The following GARIN2 variants were observed in gnomAD, a reference collection of about 807,000 sequenced individuals.
GARIN2 encodes the protein Golgi-associated RAB2 interactor protein 2.
chr14:67,218,959 G>A, the GARIN2 span, among the ~76,000 whole-genome samples: 52 of 152,088 alleles, frequency 3.4e-4, no homozygotes, highest in Admixed American at 3.3e-4. Flanking sequence ...TGGTGTTGTC[G>A]TGTTCAGCCA....
chr14:67,198,944 A>AT, the GARIN2 span: 6 of 701,296 alleles, frequency 8.6e-6, no homozygotes, highest in Admixed American at 6.0e-5. Context: ...ACACTGAGCT[A>AT]TTACCTCTAA....
the GARIN2 span, chr14:67,221,666 TACTAC>T: frequency 6.6e-7 from 1 of 1,504,672 alleles, no homozygotes; most frequent in South Asian, 1.3e-5. Flanking sequence ...CGTGTTTCAT[TACTAC>T]CCACAGAGCA....
At chr14:67,193,060 A>G in the GARIN2 span, among the ~76,000 whole-genome samples, 1 of 144,776 alleles carries the variant, frequency 6.9e-6, no homozygotes, top group African/African-American at 2.5e-5. Context: ...ATATATCTCT[A>G]TATCTATATA....
the GARIN2 span, among the ~76,000 whole-genome samples, chr14:67,216,071 C>T: frequency 6.6e-6 from 1 of 152,198 alleles, no homozygotes; most frequent in Non-Finnish European, 1.5e-5. Context: ...ACGCCTCCCA[C>T]CGTGTCCTCC....
the GARIN2 span, among the ~76,000 whole-genome samples, chr14:67,225,960 TGTGCGC>T: frequency 8.3e-6 from 1 of 119,804 alleles, no homozygotes; most frequent in East Asian, 2.2e-4. Context: ...TGTGTGTGTG[TGTGCGC>T]GCGCGCGCGT....
At chr14:67,193,237 GACATCTATCTA>G in the GARIN2 span, among the ~76,000 whole-genome samples, 1 of 122,702 alleles carries the variant, frequency 8.1e-6, no homozygotes, top group Non-Finnish European at 1.7e-5. Context: ...TCTCTATATA[GACATCTATCTA>G]TATATCTCTA....
At chr14:67,201,401 A>G in the GARIN2 span, 12 of 455,822 alleles carry the variant, frequency 2.6e-5, no homozygotes, top group East Asian at 6.3e-4. Flanking sequence ...GAAGACCCCA[A>G]TTCTCTCTTT....
At chr14:67,199,076 G>A in the GARIN2 span, 48 of 930,180 alleles carry the variant, frequency 5.2e-5, no homozygotes, top group Non-Finnish European at 7.9e-5. Context: ...CTACCAGGCC[G>A]ATCTCCGAGC....
At chr14:67,214,663 C>G in the GARIN2 span, among the ~76,000 whole-genome samples, 3 of 151,842 alleles carry the variant, frequency 2.0e-5, no homozygotes, top group East Asian at 5.8e-4. Context: ...TTTTTTGGTT[C>G]CATATGAACT....
the GARIN2 span, chr14:67,223,617 AG>A: frequency 1.7e-6 from 1 of 591,894 alleles, no homozygotes; most frequent in Middle Eastern, 8.5e-4. Context: ...TTAAATCACA[AG>A]GGTGGCACAA....
the GARIN2 span, chr14:67,225,285 T>C: frequency 1.4e-6 from 2 of 1,454,038 alleles, no homozygotes; most frequent in Non-Finnish European, 1.8e-6. Flanking sequence ...TAATTATAAG[T>C]CTCTATAGGA....
At chr14:67,193,170 A>ATCTG in the GARIN2 span, among the ~76,000 whole-genome samples, 1 of 141,740 alleles carries the variant, frequency 7.1e-6, no homozygotes, top group Non-Finnish European at 1.5e-5. Flanking sequence ...ATAGACATCT[A>ATCTG]TATATCTCTA....
At chr14:67,203,253 C>T in the GARIN2 span, 1 of 1,605,062 alleles carries the variant, frequency 6.2e-7, no homozygotes, top group South Asian at 1.1e-5. Flanking sequence ...GTTTAAAAGT[C>T]TCCTGACATC....
chr14:67,198,322 T>C, the GARIN2 span: 1 of 1,610,492 alleles, frequency 6.2e-7, no homozygotes, highest in East Asian at 2.2e-5. Context: ...TTTATCCAGG[T>C]AAATCATATT....
the GARIN2 span, among the ~76,000 whole-genome samples, chr14:67,209,854 A>C: frequency 1.6e-3 from 238 of 151,900 alleles, no homozygotes; most frequent in African/African-American, 5.4e-3. Flanking sequence ...GAAAAAGTAT[A>C]ATAGATTACC....
chr14:67,192,738 A>T, the GARIN2 span, among the ~76,000 whole-genome samples: 2 of 150,154 alleles, frequency 1.3e-5, no homozygotes, highest in South Asian at 4.2e-4. Context: ...TGTTATGGGG[A>T]TATATTAATA....
the GARIN2 span, among the ~76,000 whole-genome samples, chr14:67,225,482 C>CT: frequency 6.6e-6 from 1 of 152,210 alleles, no homozygotes; most frequent in Non-Finnish European, 1.5e-5. Flanking sequence ...GGAGAGAGGG[C>CT]TTCAGGTGAG....
the GARIN2 span, among the ~76,000 whole-genome samples, chr14:67,202,156 A>T: frequency 1.2e-4 from 19 of 152,312 alleles, no homozygotes; most frequent in East Asian, 3.7e-3. Flanking sequence ...AAATTAAATT[A>T]TAGGCCAGGC....
the GARIN2 span, among the ~76,000 whole-genome samples, chr14:67,211,296 T>C: frequency 2.3e-4 from 35 of 152,192 alleles, no homozygotes; most frequent in African/African-American, 7.9e-4. Flanking sequence ...GAAGATAGGT[T>C]CAAGCAAACT....
Sources: allele counts gnomAD v4.1 joint callset (sites outside exome capture counted in the v4.1 genomes callset), GRCh38; gene constraint gnomAD v4.1.1; transcripts MANE v1.5; gene names NCBI Gene and HGNC (gene_info 2026-07-23, HGNC 2026-07-21).